The following EHMT2 variants were observed in gnomAD, a reference collection of about 807,000 sequenced individuals.
The protein encoded by EHMT2 is euchromatic histone lysine methyltransferase 2.
A neutral mutation model predicts 143.3 loss-of-function variants in EHMT2; 59 were observed. The observed-to-expected ratio is 0.41, with a 90% confidence interval of 0.33 to 0.51. The LOEUF (loss-of-function observed/expected upper bound fraction) is 0.51, where lower values mean the gene tolerates loss of function less well. Ranked by LOEUF, EHMT2 falls within the 20% of genes least tolerant of loss-of-function variation. The probability of loss-of-function intolerance (pLI) is 0.18; values close to 1 mark genes in which losing one functional copy is unlikely to be tolerated. For missense variants in EHMT2, 1,174 were observed against 1,645.9 expected, an observed-to-expected ratio of 0.71 and a Z score of 4.96; for synonymous variants, 604 against 651.5, an observed-to-expected ratio of 0.93 and a Z score of 1.11.
In EHMT2 at chr6:31,883,946, C is replaced by T; in HGVS notation, c.2776G>A (p.Val926Met). 5.0e-6 allele frequency: 8 copies of T among 1,613,490 alleles called. No individual in the cohort carries two copies. The highest frequency in any genetic ancestry group is 1.1e-5 in the South Asian group (1 of 91,050). ...GGCACGTTCTCATAGCCCCGAGCCACGTCCCTGCAGAAGACGGGAAGAAGG... is the reference window on the plus strand; with the variant it reads ...GGCACGTTCTCATAGCCCCGAGCCATGTCCCTGCAGAAGACGGGAAGAAGG... Residue 926 changes from valine to methionine, a missense_variant, in exon 22 of 28, where the codon GTG (valine) becomes ATG (methionine). Around this residue, in one of 6 missense-constraint regions of EHMT2, gnomAD observed 608 missense variants for 903.7 expected, o/e 0.67. Coordinates refer to ENST00000375537, the Ensembl canonical transcript of EHMT2. The surrounding 1 kb of genome is among the most constrained non-coding windows in gnomAD (Gnocchi z 5.6).
At chr6:31,894,883 C>T (rs1451904963) in intron 4 of EHMT2, among the ~76,000 whole-genome samples, 1 of 152,076 alleles carries the variant, frequency 6.6e-6, no homozygotes, top group Non-Finnish European at 1.5e-5. Flanking sequence ...GAACTCCTGA[C>T]CTCAAGTGAT....
At chr6:31,886,002 G>A (rs1764791331) in intron 18 of EHMT2, 1 of 152,240 alleles carries the variant, frequency 6.6e-6, no homozygotes, top group African/African-American at 2.4e-5. Context: ...CAGGAGAATG[G>A]CGTGAACCTG....
chr6:31,889,363 G>T lies in EHMT2; in HGVS notation c.1000-21C>A. ...CCACTCTGGGAAGGGGGAGGAGGAG[G>T]AGTTAGGAACCCTCACCCCCAGGGG... is the stretch of plus-strand genomic sequence containing the variant. On this transcript the variant is annotated intron_variant, in intron 8 of 27. Transcript: ENST00000375537. This position sits in a 1 kb window ranked among gnomAD's most constrained non-coding sequence, Gnocchi z 5.1. The T allele has an allele frequency of 6.2e-7, 1 of 1,610,798 alleles. No homozygotes were observed. The highest frequency in any genetic ancestry group is 8.5e-7 in the Non-Finnish European group (1 of 1,179,478).
At chr6:31,887,749 G>T (rs765263131) in intron 14 of EHMT2, 30 bp downstream of exon 14, 1 of 1,602,310 alleles carries the variant, frequency 6.2e-7, no homozygotes, top group Non-Finnish European at 8.5e-7. Flanking sequence ...CTCAGCCCCA[G>T]TTGCTGTGCC....
In EHMT2 at chr6:31,888,844, A is replaced by G; in HGVS notation, c.1217-97T>C. 5 of 1,471,372 alleles carry G rather than the reference A, an allele frequency of 3.4e-6. No homozygotes were observed. Among genetic ancestry groups the G allele is most frequent in the Non-Finnish European group, 4.6e-6 (5 of 1,086,584 alleles). The allele number at this position is 1,471,372 out of a possible 1,614,324, so 91.1% of individuals were successfully genotyped here. On this transcript the variant is annotated intron_variant, in intron 10 of 27. Transcript: ENST00000375537. This position sits in a 1 kb window ranked among gnomAD's most constrained non-coding sequence, Gnocchi z 7.4. ...CACTCCCTCCCTACCCCACCCCGCCATGCCCCAGAACCCCTAAAGCCTGGC... is the reference window on the plus strand; with the variant it reads ...CACTCCCTCCCTACCCCACCCCGCCGTGCCCCAGAACCCCTAAAGCCTGGC...
rs1366133644 is a variant in EHMT2 at position 31,884,826 on chromosome 6, A to AG, written c.2449-28dup. 2.5e-6 allele frequency: 4 copies of AG among 1,582,082 alleles called. No individual in the cohort carries two copies. The highest frequency in any genetic ancestry group is 3.4e-6 in the Non-Finnish European group (4 of 1,159,928). ...TGTGGAGGTAGGAGGGGAACAGATG[A>AG]GGTGCAGGCAGCTGGGCCCTTGAAT... On this transcript the variant is annotated intron_variant, in intron 19 of 27. Coordinates refer to ENST00000375537, the Ensembl canonical transcript of EHMT2. This position sits in a 1 kb window ranked among gnomAD's most constrained non-coding sequence, Gnocchi z 7.3.
At position 31,884,811 on chromosome 6, in the gene EHMT2, G is replaced by A. The variant is rs1370122934; in HGVS notation, c.2449-12C>T. 1 of 1,591,968 alleles carries A rather than the reference G, an allele frequency of 6.3e-7. No homozygotes were observed. ...CAGATGTTCTCCTCCTGTGGAGGTAGGAGGGGAACAGATGAGGTGCAGGCA... is the reference window on the plus strand; with the variant it reads ...CAGATGTTCTCCTCCTGTGGAGGTAAGAGGGGAACAGATGAGGTGCAGGCA... On this transcript the variant is annotated splice_polypyrimidine_tract_variant and intron_variant, in intron 19 of 27. Coordinates refer to ENST00000375537, the Ensembl canonical transcript of EHMT2. This position sits in a 1 kb window ranked among gnomAD's most constrained non-coding sequence, Gnocchi z 7.3.
At chr6:31,892,796 A>G (rs779383089) in intron 5 of EHMT2, 30 bp downstream of exon 5, 3 of 1,612,054 alleles carry the variant, frequency 1.9e-6, no homozygotes, top group Non-Finnish European at 2.5e-6. Flanking sequence ...AGACCACATC[A>G]AGCCACCGGG....
At chr6:31,882,872 G>A in intron 24 of EHMT2, 22 bp downstream of exon 24, 1 of 1,611,804 alleles carries the variant, frequency 6.2e-7, no homozygotes, top group South Asian at 1.1e-5. Context: ...GGGAGAGGGT[G>A]GGCTGTGGAG....
exon 16 of EHMT2, chr6:31,886,998 C>T (rs1181130820): frequency 1.9e-6 from 3 of 1,613,888 alleles, no homozygotes; most frequent in South Asian, 2.2e-5. Context: ...TGCTGACCTG[C>T]AGCAGCACAT....
rs775486514 is a variant in EHMT2 at position 31,888,217 on chromosome 6, A to G, written c.1569T>C (p.Cys523=). 46 of 1,612,900 alleles carry G rather than the reference A, an allele frequency of 2.9e-5. No individual in the cohort carries two copies. The highest frequency in any genetic ancestry group is 3.6e-5 in the Non-Finnish European group (42 of 1,180,002). The change falls in exon 13 of 28, where the codon TGT becomes TGC. Residue 523 remains cysteine (C), a synonymous_variant. Transcript: ENST00000375537. This position sits in a 1 kb window ranked among gnomAD's most constrained non-coding sequence, Gnocchi z 7.4. ...AGACCATCCCATTCAGCTGAGACAC[A>G]CAGGCCTTGTGGAAGCGGTGGGCCA...
exon 25 of EHMT2, chr6:31,882,736 C>T (rs777764686): frequency 1.9e-6 from 3 of 1,612,480 alleles, no homozygotes; most frequent in African/African-American, 2.7e-5. Flanking sequence ...GTCTGCAGGG[C>T]GCGGACCCCC....
chr6:31,880,358 C>A lies in EHMT2; in HGVS notation c.3453-94G>T, dbSNP rs913253097. 3 of 1,391,408 alleles carry A rather than the reference C, an allele frequency of 2.2e-6. No individual in the cohort carries two copies. The highest frequency in any genetic ancestry group is 4.7e-5 in the East Asian group (2 of 42,824). 86.2% of individuals were successfully genotyped at this position (1,391,408 alleles called of 1,614,324 possible). A position where few individuals can be genotyped will look rare whatever the true frequency, so the allele number is the denominator to read the frequency against. ...TGGATCCTGCTCCCTGAGAGGGACC[C>A]GACACCCAACCTATCTTCTCCAGAT... On this transcript the variant is annotated intron_variant, in intron 27 of 27. Transcript: ENST00000375537. The surrounding 1 kb of genome is among the most constrained non-coding windows in gnomAD (Gnocchi z 6.6).
Position 31,880,318 on chromosome 6 carries a change from AC to A in EHMT2, c.3453-55del, listed in dbSNP as rs1410201527. ...ACCTGGACCCAGCCACCAAGAGCCC[AC>A]CCCGAAGACCCTGTGGATCCTGCTC... On this transcript the variant is annotated intron_variant, in intron 27 of 27. Coordinates refer to ENST00000375537, the Ensembl canonical transcript of EHMT2. This position sits in a 1 kb window ranked among gnomAD's most constrained non-coding sequence, Gnocchi z 6.6. The A allele has an allele frequency of 6.3e-7, 1 of 1,577,380 alleles. No individual in the cohort carries two copies. Among genetic ancestry groups the A allele is most frequent in the Non-Finnish European group, 8.6e-7 (1 of 1,156,402 alleles).
In EHMT2 at chr6:31,892,376, C is replaced by G. The variant is rs368375853; in HGVS notation, c.864+31G>C. On this transcript the variant is annotated intron_variant, in intron 7 of 27. Transcript: ENST00000375537. ...GTGAGCCCCAGCCCTGGGGGAGCAC[C>G]GGCGGGGAGGGCAGACCAGCTCTGT... 9 of 1,604,210 alleles carry G rather than the reference C, an allele frequency of 5.6e-6. No homozygotes were observed. The African/African-American group carries it at 9.4e-5, about 17-fold the overall frequency.
chr6:31,883,750 A>G lies in EHMT2; in HGVS notation c.2916+56T>C, dbSNP rs1245685999. The G allele has an allele frequency of 1.9e-6, 3 of 1,584,202 alleles. No individual in the cohort carries two copies. The highest frequency in any genetic ancestry group is 4.5e-5 in the East Asian group (2 of 44,184). On this transcript the variant is annotated intron_variant, in intron 22 of 27. Transcript: ENST00000375537. The surrounding 1 kb of genome is among the most constrained non-coding windows in gnomAD (Gnocchi z 5.6). The stretch of plus-strand genomic sequence containing the variant: ...CCTTTGCTGGTTTGAAGCTTGTCCA[A>G]CTGTACTTGGCAGCTCTCGGTGTCC...
exon 28 of EHMT2, chr6:31,879,791 A>G (rs1021306406): frequency 4.1e-6 from 2 of 482,986 alleles, no homozygotes; most frequent in African/African-American, 3.8e-5. Context: ...ATTGAGAACA[A>G]AAGGAACCAG....
At position 31,889,271 on chromosome 6, in the gene EHMT2, C is replaced by T. The variant is rs1301441416; in HGVS notation, c.1071G>A (p.Arg357=). ...GCGGAGGCTCCCGCTTGCGCCGTTTCCGAGACGGCTTCACCCATGGGCTGT... is the reference window on the plus strand; with the variant it reads ...GCGGAGGCTCCCGCTTGCGCCGTTTTCGAGACGGCTTCACCCATGGGCTGT... Residue 357 remains arginine (R), a synonymous_variant, in exon 9 of 28, where the codon CGG becomes CGA. Coordinates refer to ENST00000375537, the Ensembl canonical transcript of EHMT2. The surrounding 1 kb of genome is among the most constrained non-coding windows in gnomAD (Gnocchi z 5.1). 1.2e-6 allele frequency: 2 copies of T among 1,612,042 alleles called. No homozygotes were observed. Among genetic ancestry groups the T allele is most frequent in the African/African-American group, 2.7e-5 (2 of 74,916 alleles).
At position 31,889,586 on chromosome 6, in the gene EHMT2, A is replaced by T; in HGVS notation, c.881T>A (p.Leu294Gln). ...CTCCTCTTCACTTAGTTGTTCAGTT[A>T]GAGCTTCAACTTCAGACTGGGAGAG... Residue 294 changes from leucine to glutamine, a missense_variant, in exon 8 of 28, where the codon CTA (leucine) becomes CAA (glutamine). Coordinates refer to ENST00000375537, the Ensembl canonical transcript of EHMT2. This position sits in a 1 kb window ranked among gnomAD's most constrained non-coding sequence, Gnocchi z 5.1. 1 of 1,610,938 alleles carries T rather than the reference A, an allele frequency of 6.2e-7. No homozygotes were observed.
Sources: gnomAD v4.1 joint callset for allele counts (sites outside exome capture counted in the v4.1 genomes callset) on GRCh38, gnomAD v4.1.1 for gene constraint, gnomAD v4.1.1 regional missense constraint, Gnocchi (gnomAD v3.1) non-coding constraint, MANE v1.5 for transcripts, NCBI Gene and HGNC (gene_info 2026-07-23, HGNC 2026-07-21) for gene names.